Variants in KY observed in about 807,000 individuals in gnomAD.
KY encodes the protein kyphoscoliosis peptidase.
Under a neutral mutation model 76.1 loss-of-function variants are expected in KY, and 43 were observed. That is an observed-to-expected ratio of 0.57 (90% CI 0.44 to 0.73). The LOEUF is 0.73. KY is among the 30% of genes least tolerant of loss of function. KY has a pLI of 0.00. For synonymous variants in KY, 277 were observed against 326.2 expected (o/e 0.85, Z 1.63); for missense variants, 722 against 828.9 (o/e 0.87, Z 1.58).
chr3:134,641,323 T>G (rs975736437), intron 3 of KY: 5 of 152,174 alleles, frequency 3.3e-5, no homozygotes, highest in Non-Finnish European at 5.9e-5. Context: ...GTGGATGTGA[T>G]TAAATTAAGG....
At chr3:134,612,751 C>CTGTGTG (rs35084772) in intron 8 of KY, among the ~76,000 whole-genome samples, 18,304 of 125,338 alleles carry the variant, frequency 0.15, 1,813 homozygotes, top group East Asian at 0.42. Context: ...CACGCCGATG[C>CTGTGTG]TGTGTGTGTG....
rs1323352840 is a variant in KY, at chr3:134,602,188, AG to A, written c.*1390del. Among the ~76,000 whole-genome samples, 1 of 152,122 alleles carries A rather than the reference AG, an allele frequency of 6.6e-6. No homozygotes were observed. Among genetic ancestry groups the A allele is most frequent in the East Asian group, 1.9e-4 (1 of 5,176 alleles). ...GAGCTGGAGAAGCCGGGAGTTCAGCAGGGAGCATGTCTGTGTGCCAGGATGG... is the reference window on the plus strand; with the variant it reads ...GAGCTGGAGAAGCCGGGAGTTCAGCAGGAGCATGTCTGTGTGCCAGGATGG... On this transcript the variant is annotated 3_prime_UTR_variant, in exon 11 of 11. Coordinates refer to ENST00000423778, the MANE Select transcript of KY (RefSeq NM_178554.6).
chr3:134,603,461 G>T lies in KY; in HGVS notation c.*118C>A. The T allele has an allele frequency of 4.5e-6, 4 of 880,670 alleles. No individual in the cohort carries two copies. Among genetic ancestry groups the T allele is most frequent in the Non-Finnish European group, 5.2e-6 (3 of 572,994 alleles). 54.6% of individuals were successfully genotyped at this position (880,670 alleles called of 1,614,324 possible). The stretch of plus-strand genomic sequence containing the variant: ...GCAGAGGTGGGACACTGAGGCAGAG[G>T]CCTAGAAGGGATTTCATGCAGACTC... On this transcript the variant is annotated 3_prime_UTR_variant, in exon 11 of 11. Transcript: ENST00000423778.
chr3:134,607,156 A>T, intron 10 of KY: 1 of 985,452 alleles, frequency 1.0e-6, no homozygotes, highest in Non-Finnish European at 1.2e-6. Context: ...TCCACGGCCT[A>T]TGATACATTG....
chr3:134,650,616 G>A (rs1276082442), intron 1 of KY, among the ~76,000 whole-genome samples: 1 of 152,202 alleles, frequency 6.6e-6, no homozygotes, highest in Non-Finnish European at 1.5e-5. Flanking sequence ...TGAAACTGGG[G>A]CAATCACGGG....
At chr3:134,608,467 T>C (rs1959649243) in intron 10 of KY, 182 bp downstream of exon 10, 2 of 1,530,098 alleles carry the variant, frequency 1.3e-6, no homozygotes, top group East Asian at 2.5e-5. Context: ...CCTGCCCTGA[T>C]GGCCTGGGCT....
intron 8 of KY, among the ~76,000 whole-genome samples, chr3:134,615,787 T>G (rs188672391): frequency 2.2e-4 from 34 of 152,328 alleles, no homozygotes; most frequent in African/African-American, 7.9e-4. Context: ...CTGCCTATCT[T>G]TTGGGGCCTT....
chr3:134,629,786 A>G lies in KY; in HGVS notation c.263-91T>C, dbSNP rs888987787. On this transcript the variant is annotated intron_variant, in intron 3 of 10. Transcript: ENST00000423778. Reference sequence around the variant, plus strand: ...CTGATGATTGAATAAAAAAACAATTAGTTTTAGAACTTTCTTTTGTGTGTA... The same window carrying G: ...CTGATGATTGAATAAAAAAACAATTGGTTTTAGAACTTTCTTTTGTGTGTA... The G allele has an allele frequency of 1.0e-5, 8 of 796,858 alleles. 1 individual carries two copies. The highest frequency in any genetic ancestry group is 1.1e-5 in the Non-Finnish European group (5 of 469,966). 49.4% of individuals were successfully genotyped at this position (796,858 alleles called of 1,614,324 possible). A position where few individuals can be genotyped will look rare whatever the true frequency, so the allele number is the denominator to read the frequency against.
intron 3 of KY, among the ~76,000 whole-genome samples, chr3:134,630,886 T>C (rs1964125354): frequency 6.6e-6 from 1 of 152,088 alleles, no homozygotes; most frequent in Non-Finnish European, 1.5e-5. Flanking sequence ...TGGAAAGATA[T>C]AAAGTATCAG....
Position 134,607,629 on chromosome 3 carries a change from A to C in KY, c.1090+1020T>G, listed in dbSNP as rs963365251. 3.6e-5 allele frequency: 35 copies of C among 985,538 alleles called. No individual in the cohort carries two copies. In the African/African-American group the frequency reaches 5.8e-4, roughly 16 times the overall value. The allele number at this position is 985,538 out of a possible 1,614,324, so 61.0% of individuals were successfully genotyped here. A position where few individuals can be genotyped will look rare whatever the true frequency, so the allele number is the denominator to read the frequency against. ...CCAAGGCCTTGGAGAGGCATAAGAG[A>C]CAATCTTCCAGAGAAGGCCCTGCTT... On this transcript the variant is annotated intron_variant, in intron 10 of 10. Transcript: ENST00000423778.
In KY at chr3:134,627,976, G is replaced by A. The variant is rs760838241; in HGVS notation, c.338-158C>T. On this transcript the variant is annotated intron_variant, in intron 4 of 10. Transcript: ENST00000423778. ...CCACCCCACTGACCACTGAATTGCTGCTTGAATTGCCAGGAACTTCCTGGT... is the reference window on the plus strand; with the variant it reads ...CCACCCCACTGACCACTGAATTGCTACTTGAATTGCCAGGAACTTCCTGGT... 35 of 629,624 alleles carry A rather than the reference G, an allele frequency of 5.6e-5. 1 individual carries two copies. The highest frequency in any genetic ancestry group is 9.4e-5 in the Non-Finnish European group (33 of 352,818). 39.0% of individuals were successfully genotyped at this position (629,624 alleles called of 1,614,324 possible). A position where few individuals can be genotyped will look rare whatever the true frequency, so the allele number is the denominator to read the frequency against.
chr3:134,623,838 C>A (rs760672755), intron 6 of KY, among the ~76,000 whole-genome samples: 3 of 152,066 alleles, frequency 2.0e-5, no homozygotes, highest in South Asian at 4.2e-4. Flanking sequence ...CCTCCCTGGA[C>A]CTTCCAGAAC....
intron 2 of KY, among the ~76,000 whole-genome samples, chr3:134,644,281 C>T (rs901760869): frequency 6.6e-6 from 1 of 152,228 alleles, no homozygotes; most frequent in South Asian, 2.1e-4. Context: ...ATTTCTGTCC[C>T]TGGGACACAG....
chr3:134,607,744 T>C lies in KY; in HGVS notation c.1090+905A>G, dbSNP rs1959474490. 1.1e-5 allele frequency: 11 copies of C among 985,716 alleles called. No individual in the cohort carries two copies. The Admixed American group carries it at 5.5e-4, about 50-fold the overall frequency. 61.1% of individuals were successfully genotyped at this position (985,716 alleles called of 1,614,324 possible). A position where few individuals can be genotyped will look rare whatever the true frequency, so the allele number is the denominator to read the frequency against. On this transcript the variant is annotated intron_variant, in intron 10 of 10. Transcript: ENST00000423778. ...AGCTGCCATGGCTCCGTGGTGAAGG[T>C]TGGGAGAGCACATGTCAGCCCAGGC...
chr3:134,630,767 A>C (rs892002436), intron 3 of KY, among the ~76,000 whole-genome samples: 1 of 152,246 alleles, frequency 6.6e-6, no homozygotes, highest in South Asian at 2.1e-4. Context: ...GACTCAGGAA[A>C]GTCTTAATTT....
intron 9 of KY, among the ~76,000 whole-genome samples, chr3:134,609,932 G>T (rs1483965764): frequency 2.0e-5 from 3 of 152,234 alleles, no homozygotes; most frequent in African/African-American, 7.2e-5. Context: ...GGCAAATGCT[G>T]CAGGCTTTCA....
intron 6 of KY, among the ~76,000 whole-genome samples, chr3:134,622,229 C>T (rs991782795): frequency 2.0e-5 from 3 of 152,092 alleles, no homozygotes; most frequent in Admixed American, 6.6e-5. Context: ...CCAAAAAAAC[C>T]GAAGGCAGAG....
intron 3 of KY, among the ~76,000 whole-genome samples, chr3:134,633,109 A>G (rs536192458): frequency 1.3e-5 from 2 of 152,180 alleles, no homozygotes; most frequent in African/African-American, 4.8e-5. Context: ...GTTAAATTAA[A>G]CTTGTAGTTT....
At chr3:134,607,946 G>C in intron 10 of KY, 1 of 996,160 alleles carries the variant, frequency 1.0e-6, no homozygotes, top group African/African-American at 1.7e-5. Context: ...CTGTGTCCCC[G>C]CCTCTCCTCT....
Sources: gnomAD v4.1 joint callset for allele counts (sites outside exome capture counted in the v4.1 genomes callset) on GRCh38, gnomAD v4.1.1 for gene constraint, MANE v1.5 for transcripts, NCBI Gene and HGNC (gene_info 2026-07-23, HGNC 2026-07-21) for gene names.